ITGB7: variants seen among roughly 807,000 people sequenced by gnomAD.
ITGB7 encodes the protein integrin subunit beta 7, also known as integrin beta-7.
In ITGB7, 55 loss-of-function variants were observed where a neutral mutation model predicts 83.4. The ratio of observed to expected loss-of-function variants is 0.66; its 90% CI spans 0.53 to 0.83. The LOEUF is 0.83. ITGB7 is among the 40% of genes least tolerant of loss of function. ITGB7 has a pLI of 0.00. For missense variants in ITGB7, 921 were observed against 1,046.7 expected (o/e 0.88, Z 1.66); for synonymous variants, 454 against 423.6 (o/e 1.07, Z -0.88).
chr12:53,204,578 G>T (rs1002070371), intron 1 of ITGB7, among the ~76,000 whole-genome samples: 4 of 152,060 alleles, frequency 2.6e-5, no homozygotes, highest in Non-Finnish European at 5.9e-5. Flanking sequence ...AAGGGGAAGT[G>T]GGGAATGACT....
At chr12:53,194,078 G>A in intron 10 of ITGB7, 120 bp downstream of exon 10, 2 of 1,448,108 alleles carry the variant, frequency 1.4e-6, no homozygotes, top group Non-Finnish European at 1.9e-6. Context: ...AGGATGGATG[G>A]AGGACTACCT....
rs747957318 is a variant in ITGB7, at chr12:53,200,405, G to T, written c.39C>A (p.Val13=). 1 of 1,614,108 alleles carries T rather than the reference G, an allele frequency of 6.2e-7. No individual in the cohort carries two copies. The highest frequency in any genetic ancestry group is 1.1e-5 in the South Asian group (1 of 91,084). ...CCAATTCACTCTCACCTCTGCTCAG[G>T]ACCAGCAGCAAAACAAGGACCATTG... ...ALPMVLVLLL[V]LSRGESELDA... Residue 13 remains valine (V), a synonymous_variant, in exon 3 of 16, where the codon GTC becomes GTA. Coordinates refer to ENST00000267082, the MANE Select transcript of ITGB7 (RefSeq NM_000889.3).
At chr12:53,207,136 G>A (rs887542290) in intron 1 of ITGB7, 66 bp downstream of exon 1, 2 of 152,774 alleles carry the variant, frequency 1.3e-5, no homozygotes, top group African/African-American at 4.8e-5. Context: ...TTCCCAAGAG[G>A]TTGGGACCAG....
chr12:53,206,494 C>T (rs990916452), intron 1 of ITGB7, among the ~76,000 whole-genome samples: 3 of 152,170 alleles, frequency 2.0e-5, no homozygotes, highest in African/African-American at 7.2e-5. Flanking sequence ...TCCCCACTAG[C>T]CCTGGTGGGC....
Position 53,192,370 on chromosome 12 carries a change from G to T in ITGB7, c.2115C>A (p.Asp705Glu). 6.2e-7 allele frequency: 1 copy of T among 1,614,022 alleles called. No homozygotes were observed. Among genetic ancestry groups the T allele is most frequent in the Non-Finnish European group, 8.5e-7 (1 of 1,180,020 alleles). ...CTCTGAGCACGACCGTGCCTCTGGC[G>T]TCATCCTCCACCAAGAAGAAGAACA... ...NQLFFFLVEDDARGTVVLRVR... is the reference protein window; with the variant it reads ...NQLFFFLVEDEARGTVVLRVR... Residue 705 changes from aspartate (D) to glutamate (E), a missense_variant, in exon 14 of 16, where the codon GAC (aspartate) becomes GAA (glutamate). Asp to Glu is a conservative substitution (Grantham distance 45). Transcript: ENST00000267082.
chr12:53,196,555 C>G (rs746426224), intron 6 of ITGB7, 24 bp downstream of exon 6: 2 of 1,593,582 alleles, frequency 1.3e-6, no homozygotes, highest in South Asian at 1.1e-5. Flanking sequence ...CCTCCAGGCT[C>G]AGATCCCCGC....
intron 3 of ITGB7, among the ~76,000 whole-genome samples, chr12:53,198,173 A>G (rs148948081): frequency 1.3e-5 from 2 of 152,268 alleles, no homozygotes; most frequent in African/African-American, 4.8e-5. Context: ...TCTGTCACCC[A>G]GGCTGGAGTG....
In ITGB7 at chr12:53,191,531, C is replaced by A; in HGVS notation, c.*25G>T. 1 of 1,566,224 alleles carries A rather than the reference C, an allele frequency of 6.4e-7. No individual in the cohort carries two copies. Among genetic ancestry groups the A allele is most frequent in the East Asian group, 2.2e-5 (1 of 44,634 alleles). On this transcript the variant is annotated 3_prime_UTR_variant, in exon 16 of 16. Transcript: ENST00000267082. ...TCCCACTGTCCTCCAAGGAGAAGAGCCTTGGGTAAGTGTCCCTCCCTCCTT... is the reference window on the plus strand; with the variant it reads ...TCCCACTGTCCTCCAAGGAGAAGAGACTTGGGTAAGTGTCCCTCCCTCCTT...
chr12:53,193,988 TA>T, intron 10 of ITGB7, 87 bp from the exon 11 acceptor site: 1 of 1,390,382 alleles, frequency 7.2e-7, no homozygotes, highest in Non-Finnish European at 9.9e-7. Flanking sequence ...CCTCACCCCT[TA>T]GTAAATGAAG....
At position 53,194,462 on chromosome 12, in the gene ITGB7, C is replaced by T. The variant is rs958358164; in HGVS notation, c.1162-118G>A. ...GCACCCTGCCCTCTGCCACCTGGGG[C>T]TCCTTCCATTCTGCCCAGTCGAGGC... On this transcript the variant is annotated intron_variant, in intron 9 of 15. Transcript: ENST00000267082. 3.0e-5 allele frequency: 30 copies of T among 999,856 alleles called. 1 individual carries two copies. Among genetic ancestry groups the T allele is most frequent in the Middle Eastern group, 4.6e-4 (2 of 4,310 alleles). 61.9% of individuals were successfully genotyped at this position (999,856 alleles called of 1,614,324 possible).
In ITGB7 at chr12:53,193,205, C is replaced by T; in HGVS notation, c.1661G>A (p.Ser554Asn). 6.2e-7 allele frequency: 1 copy of T among 1,614,134 alleles called. No individual in the cohort carries two copies. The highest frequency in any genetic ancestry group is 8.5e-7 in the Non-Finnish European group (1 of 1,180,024). Reference protein sequence around the residue: ...QCGRCSCSGQSSGHLCECDDA... With the variant: ...QCGRCSCSGQNSGHLCECDDA... The stretch of plus-strand genomic sequence containing the variant: ...GTCACACTCGCACAGATGCCCAGAG[C>T]TCTGTCCACTGCAGCTGCAGCGTCC... Residue 554 changes from serine to asparagine, a missense_variant, in exon 12 of 16, where the codon AGC becomes AAC. Physicochemically the swap from Ser to Asn is conservative, Grantham distance 46. Coordinates refer to ENST00000267082, the MANE Select transcript of ITGB7 (RefSeq NM_000889.3).
At chr12:53,203,647 C>CAAAAAAAAAAAAAAAAA (rs1158624130) in intron 1 of ITGB7, among the ~76,000 whole-genome samples, 3 of 51,060 alleles carry the variant, frequency 5.9e-5, no homozygotes, top group Admixed American at 2.5e-4. Flanking sequence ...GACCCTGTCT[C>CAAAAAAAAAAAAAAAAA]AAAAAAAAAA....
rs754567479 is a variant in ITGB7 at position 53,196,617 on chromosome 12, C to T, written c.778G>A (p.Gly260Ser). ...SVSGNLDSPE[G>S]GFDAILQAAL... ...GCCTGCAGAATGGCATCGAAGCCACCTTCAGGCGAGTCCAGATTGCCGGAC... is the reference window on the plus strand; with the variant it reads ...GCCTGCAGAATGGCATCGAAGCCACTTTCAGGCGAGTCCAGATTGCCGGAC... The change falls in exon 6 of 16, where the codon GGT (glycine) becomes AGT (serine). Residue 260 changes from glycine (G) to serine (S), a missense_variant. Coordinates refer to ENST00000267082, the MANE Select transcript of ITGB7 (RefSeq NM_000889.3). 6.2e-7 allele frequency: 1 copy of T among 1,613,606 alleles called. No homozygotes were observed. The highest frequency in any genetic ancestry group is 8.5e-7 in the Non-Finnish European group (1 of 1,179,738).
At chr12:53,206,048 C>A (rs1322406368) in intron 1 of ITGB7, among the ~76,000 whole-genome samples, 1 of 152,162 alleles carries the variant, frequency 6.6e-6, no homozygotes, top group East Asian at 1.9e-4. Flanking sequence ...TTTTCAGAGA[C>A]CTTAGGCCCA....
intron 3 of ITGB7, among the ~76,000 whole-genome samples, chr12:53,198,865 A>T (rs1310888272): frequency 1.3e-5 from 2 of 152,174 alleles, no homozygotes; most frequent in African/African-American, 4.8e-5. Flanking sequence ...TATCCCTGGG[A>T]CTGGTTGGGA....
chr12:53,195,269 C>T, intron 9 of ITGB7, 105 bp downstream of exon 9: 1 of 796,022 alleles, frequency 1.3e-6, no homozygotes, highest in Non-Finnish European at 2.2e-6. Context: ...AATGTTAGAC[C>T]AAAAAGTGAC....
intron 5 of ITGB7, 154 bp downstream of exon 5, chr12:53,197,338 AG>A: frequency 1.3e-6 from 1 of 795,088 alleles, no homozygotes; most frequent in Non-Finnish European, 2.2e-6. Flanking sequence ...ATGGGTGTCT[AG>A]GGAGAGATGC....
At chr12:53,200,481 T>C (rs755064813) in intron 2 of ITGB7, 35 bp from the exon 3 acceptor site, 9 of 1,581,624 alleles carry the variant, frequency 5.7e-6, no homozygotes, top group Non-Finnish European at 7.8e-6. Flanking sequence ...ATGTGGGTCC[T>C]CAGGGAGGAC....
chr12:53,192,322 C>G lies in ITGB7; in HGVS notation c.2155+8G>C. On this transcript the variant is annotated splice_region_variant and intron_variant, in intron 14 of 15. Transcript: ENST00000267082. ...CTTCCAGGGTTTGTGGCATCCCTGC[C>G]CACTTACTTTCTTGGGGTCTCACTC... is the stretch of plus-strand genomic sequence containing the variant. 6.2e-7 allele frequency: 1 copy of G among 1,613,808 alleles called. No homozygotes were observed. The highest frequency in any genetic ancestry group is 8.5e-7 in the Non-Finnish European group (1 of 1,179,872).
Sources: allele counts gnomAD v4.1 joint callset (sites outside exome capture counted in the v4.1 genomes callset), GRCh38; gene constraint gnomAD v4.1.1; transcripts MANE v1.5; gene names NCBI Gene and HGNC (gene_info 2026-07-23, HGNC 2026-07-21).